Variants in PAQR6 observed in about 807,000 individuals in gnomAD.
The protein encoded by PAQR6 is progestin and adipoQ receptor family member 6, also known as membrane progestin receptor delta.
In PAQR6, 34 loss-of-function variants were observed where a neutral mutation model predicts 36.2. The observed-to-expected ratio is 0.94, with a 90% CI of 0.71 to 1.25. The LOEUF (loss-of-function observed/expected upper bound fraction) is 1.25, where lower values mean the gene tolerates loss of function less well. Ranked by LOEUF, PAQR6 falls within the 50% of genes most tolerant of loss-of-function variation. PAQR6 has a pLI of 0.00. For synonymous variants in PAQR6, 190 were observed against 190.7 expected, an observed-to-expected ratio of 1.00 and a Z score of 0.03; for missense variants, 431 against 445.7, an observed-to-expected ratio of 0.97 and a Z score of 0.30.
Position 156,243,473 on chromosome 1 carries a change from G to A in PAQR6, c.*656C>T, listed in dbSNP as rs1367881225. Reference sequence around the variant, plus strand: ...TGCCTTGTTCCAGAAAACGTTGAAGGTGGCTTCCCAAAGTCTAACTAGGGA... The same window carrying A: ...TGCCTTGTTCCAGAAAACGTTGAAGATGGCTTCCCAAAGTCTAACTAGGGA... On this transcript the variant is annotated 3_prime_UTR_variant, in exon 8 of 8. Transcript: ENST00000292291. 2 of 471,060 alleles carry A rather than the reference G, an allele frequency of 4.2e-6. No homozygotes were observed. Among genetic ancestry groups the A allele is most frequent in the Non-Finnish European group, 7.5e-6 (2 of 266,714 alleles). 29.2% of individuals were successfully genotyped at this position (471,060 alleles called of 1,614,324 possible).
rs1234499944 is a variant in PAQR6 at position 156,244,156 on chromosome 1, C to G, written c.1008G>C (p.Glu336Asp). 2.5e-6 allele frequency: 4 copies of G among 1,605,210 alleles called. No individual in the cohort carries two copies. The highest frequency in any genetic ancestry group is 3.4e-6 in the Non-Finnish European group (4 of 1,173,046). The change falls in exon 8 of 8, where the codon GAG becomes GAC. Residue 336 changes from glutamate to aspartate, a missense_variant. Transcript: ENST00000292291. ...ACTGTTGTTTGGCCTGGGTACCCCC[C>G]TCCAGTGGGCCACCCTGCAGCAGAG... ...TCPLLQGGPLEGGTQAKQQ is the reference protein window; with the variant it reads ...TCPLLQGGPLDGGTQAKQQ
At chr1:156,246,608 A>G in intron 2 of PAQR6, 73 bp downstream of exon 2, 1 of 1,528,268 alleles carries the variant, frequency 6.5e-7, no homozygotes, top group Non-Finnish European at 8.9e-7. Flanking sequence ...AATAGCTAAA[A>G]GAGAAGAACG....
chr1:156,245,728 C>G lies in PAQR6; in HGVS notation c.385+54G>C, dbSNP rs1233732471. 1.7e-5 allele frequency: 26 copies of G among 1,573,240 alleles called. No homozygotes were observed. The East Asian group carries it at 5.8e-4, about 35-fold the overall frequency. On this transcript the variant is annotated intron_variant, in intron 4 of 7. Coordinates refer to ENST00000292291, the MANE Select transcript of PAQR6 (RefSeq NM_198406.3). ...CGCCCCTATGTCCCGCGTCCCACCC[C>G]TCGCCCCGCTCCGGGACGCCCAGAC... is the stretch of plus-strand genomic sequence containing the variant.
At chr1:156,247,046 T>G (rs1226080990) in intron 1 of PAQR6, among the ~76,000 whole-genome samples, 1 of 151,970 alleles carries the variant, frequency 6.6e-6, no homozygotes, top group Admixed American at 6.6e-5. Context: ...CTGCCTCAAA[T>G]AGTGATCCAG....
At position 156,245,943 on chromosome 1, in the gene PAQR6, A is replaced by G; in HGVS notation, c.224T>C (p.Phe75Ser). Residue 75 changes from phenylalanine (F) to serine (S), a missense_variant, in exon 4 of 8, where the codon TTC (phenylalanine) becomes TCC (serine). Coordinates refer to ENST00000292291, the MANE Select transcript of PAQR6 (RefSeq NM_198406.3). Reference protein sequence around the residue: ...RLLALAGGPGFRAEPYHWPLL... With the variant: ...RLLALAGGPGSRAEPYHWPLL... Reference sequence around the variant, plus strand: ...CGGCCAGTGGTACGGCTCCGCACGGAAGCCGGGGCCGCCCGCCAGCGCCAG... The same window carrying G: ...CGGCCAGTGGTACGGCTCCGCACGGGAGCCGGGGCCGCCCGCCAGCGCCAG... The G allele has an allele frequency of 6.5e-7, 1 of 1,537,910 alleles. No individual in the cohort carries two copies. Among genetic ancestry groups the G allele is most frequent in the East Asian group, 2.5e-5 (1 of 40,788 alleles).
Position 156,245,651 on chromosome 1 carries a change from G to C in PAQR6, c.396C>G (p.Phe132Leu). The change falls in exon 5 of 8, where the codon TTC (phenylalanine) becomes TTG (leucine). Residue 132 changes from phenylalanine (F) to leucine (L), a missense_variant. By Grantham distance (22) the Phe-to-Leu change is conservative (BLOSUM62 0). Transcript: ENST00000292291. ...ALSLYSLGCA[F>L]PYAAYSMPAS... ...CCGGCATGGAGTAGGCGGCATAGGG[G>C]AAGGCGCAGCCTGCGGTGAGGTGGG... 1 of 1,612,968 alleles carries C rather than the reference G, an allele frequency of 6.2e-7. No homozygotes were observed. Among genetic ancestry groups the C allele is most frequent in the South Asian group, 1.1e-5 (1 of 91,054 alleles).
In PAQR6 at chr1:156,243,740, G is replaced by T; in HGVS notation, c.*389C>A. 8.0e-7 allele frequency: 1 copy of T among 1,242,892 alleles called. No homozygotes were observed. Among genetic ancestry groups the T allele is most frequent in the Non-Finnish European group, 1.1e-6 (1 of 901,492 alleles). The allele number at this position is 1,242,892 out of a possible 1,614,324, so 77.0% of individuals were successfully genotyped here. On this transcript the variant is annotated 3_prime_UTR_variant, in exon 8 of 8. Transcript: ENST00000292291. The stretch of plus-strand genomic sequence containing the variant: ...CAAGAAGCATTCAGGGTAGGCCTAG[G>T]TTAGTCGTGTTAGTTCTTCCCTGTG...
chr1:156,246,738 C>G lies in PAQR6; in HGVS notation c.-7G>C. 1 of 1,613,608 alleles carries G rather than the reference C, an allele frequency of 6.2e-7. No individual in the cohort carries two copies. The highest frequency in any genetic ancestry group is 1.3e-5 in the African/African-American group (1 of 75,018). On this transcript the variant is annotated 5_prime_UTR_variant, in exon 2 of 8. Coordinates refer to ENST00000292291, the MANE Select transcript of PAQR6 (RefSeq NM_198406.3). ...GCAGCTTGAGACTGAGCATGGTGGC[C>G]TGGTACCTCCACGTTGACCTAGAGA...
At chr1:156,247,157 C>T (rs896087764) in intron 1 of PAQR6, among the ~76,000 whole-genome samples, 11 of 152,230 alleles carry the variant, frequency 7.2e-5, no homozygotes, top group Admixed American at 2.0e-4. Context: ...GAATGTGCTT[C>T]GCCCACAGCG....
chr1:156,244,667 C>T lies in PAQR6; in HGVS notation c.760+94G>A. 1.9e-6 allele frequency: 3 copies of T among 1,595,442 alleles called. 1 individual carries two copies. Among genetic ancestry groups the T allele is most frequent in the South Asian group, 2.2e-5 (2 of 90,094 alleles). On this transcript the variant is annotated intron_variant, in intron 7 of 7. Coordinates refer to ENST00000292291, the MANE Select transcript of PAQR6 (RefSeq NM_198406.3). ...GTCCCTCCTATAATTTGCCTCCATC[C>T]TGGGGCTGTAATACCCATTTACCCA...
Position 156,243,968 on chromosome 1 carries a change from A to G in PAQR6, c.*161T>C. Reference sequence around the variant, plus strand: ...TCACACTCTGCCAGTCCCCCTAGACACCCCTCCTCTTCTCTGCCCTCTCTC... The same window carrying G: ...TCACACTCTGCCAGTCCCCCTAGACGCCCCTCCTCTTCTCTGCCCTCTCTC... On this transcript the variant is annotated 3_prime_UTR_variant, in exon 8 of 8. Transcript: ENST00000292291. The G allele has an allele frequency of 6.2e-7, 1 of 1,613,500 alleles. No homozygotes were observed. Among genetic ancestry groups the G allele is most frequent in the Non-Finnish European group, 8.5e-7 (1 of 1,179,838 alleles).
At position 156,244,804 on chromosome 1, in the gene PAQR6, G is replaced by C. The variant is rs189957556; in HGVS notation, c.717C>G (p.Ser239=). 174 of 1,613,680 alleles carry C rather than the reference G, an allele frequency of 1.1e-4. No individual in the cohort carries two copies. In the Admixed American group the frequency reaches 1.4e-3, roughly 13 times the overall value. Reference sequence around the variant, plus strand: ...CTGGTGCCAGCCTTTCAGGCAGGTGGGAGGCGAAGAGGAAGCCAGTGAGCA... The same window carrying C: ...CTGGTGCCAGCCTTTCAGGCAGGTGCGAGGCGAAGAGGAAGCCAGTGAGCA... ...CALLTGFLFA[S]HLPERLAPGR... Residue 239 remains serine, a synonymous_variant, in exon 7 of 8, where the codon TCC becomes TCG. Transcript: ENST00000292291.
At position 156,243,847 on chromosome 1, in the gene PAQR6, A is replaced by G. The variant is rs770981340; in HGVS notation, c.*282T>C. On this transcript the variant is annotated 3_prime_UTR_variant, in exon 8 of 8. Coordinates refer to ENST00000292291, the MANE Select transcript of PAQR6 (RefSeq NM_198406.3). ...CCTCCCCCCGCCAACCTTTGACAGA[A>G]TATAGGGGCATCTTCAGCCTGGACA... is the stretch of plus-strand genomic sequence containing the variant. The G allele has an allele frequency of 1.9e-6, 3 of 1,578,586 alleles. No individual in the cohort carries two copies. Among genetic ancestry groups the G allele is most frequent in the South Asian group, 1.2e-5 (1 of 85,980 alleles).
chr1:156,246,174 AAGGAGCTG>A lies in PAQR6; in HGVS notation c.120_127del (p.Ser41ProfsTer139). The A allele has an allele frequency of 6.2e-7, 1 of 1,613,568 alleles. No homozygotes were observed. ...GTTGACCGTCTCGTTGGTCATCTGG[AAGGAGCTG>A]AGGACACAGTCCAAAGCCGAGCTGG... On this transcript the variant is annotated frameshift_variant, in exon 3 of 8. Coordinates refer to ENST00000292291, the MANE Select transcript of PAQR6 (RefSeq NM_198406.3). LOFTEE classifies it high-confidence loss of function.
In PAQR6 at chr1:156,243,820, C is replaced by G. The variant is rs754303155; in HGVS notation, c.*309G>C. 2 of 1,537,060 alleles carry G rather than the reference C, an allele frequency of 1.3e-6. No homozygotes were observed. The highest frequency in any genetic ancestry group is 2.5e-5 in the South Asian group (2 of 79,968). Reference sequence around the variant, plus strand: ...ACGGAGCCAGATGAAAGGACCCCAACACCTCCCCCCGCCAACCTTTGACAG... The same window carrying G: ...ACGGAGCCAGATGAAAGGACCCCAAGACCTCCCCCCGCCAACCTTTGACAG... On this transcript the variant is annotated 3_prime_UTR_variant, in exon 8 of 8. Coordinates refer to ENST00000292291, the MANE Select transcript of PAQR6 (RefSeq NM_198406.3).
intron 2 of PAQR6, among the ~76,000 whole-genome samples, chr1:156,246,455 G>T (rs1296033442): frequency 6.6e-6 from 1 of 151,772 alleles, no homozygotes; most frequent in Non-Finnish European, 1.5e-5. Flanking sequence ...ATTGGGGTGG[G>T]ATGGGGGTGG....
In PAQR6 at chr1:156,245,178, A is replaced by C. The variant is rs1350846797; in HGVS notation, c.573T>G (p.Tyr191Ter). 2 of 1,614,096 alleles carry C rather than the reference A, an allele frequency of 1.2e-6. No homozygotes were observed. The highest frequency in any genetic ancestry group is 2.2e-5 in the South Asian group (2 of 91,088). ...SKVLRTGAFA[Y>*]PFLFDNLPLF... Reference sequence around the variant, plus strand: ...GTGGGAGGTTGTCGAACAGGAATGGATAGGCGAAGGCTCCTGTGCGGAGGA... The same window carrying C: ...GTGGGAGGTTGTCGAACAGGAATGGCTAGGCGAAGGCTCCTGTGCGGAGGA... Residue 191 changes from tyrosine to a stop codon, truncating the protein, a stop_gained, in exon 6 of 8, where the codon TAT becomes TAG. Transcript: ENST00000292291. LOFTEE classifies it high-confidence loss of function.
In PAQR6 at chr1:156,243,483, A is replaced by T; in HGVS notation, c.*646T>A. The T allele has an allele frequency of 2.1e-6, 1 of 475,872 alleles. No homozygotes were observed. The highest frequency in any genetic ancestry group is 3.7e-6 in the Non-Finnish European group (1 of 267,876). 29.5% of individuals were successfully genotyped at this position (475,872 alleles called of 1,614,324 possible). A position where few individuals can be genotyped will look rare whatever the true frequency, so the allele number is the denominator to read the frequency against. On this transcript the variant is annotated 3_prime_UTR_variant, in exon 8 of 8. Coordinates refer to ENST00000292291, the MANE Select transcript of PAQR6 (RefSeq NM_198406.3). ...CAGAAAACGTTGAAGGTGGCTTCCC[A>T]AAGTCTAACTAGGGATACCCCCTCT... is the stretch of plus-strand genomic sequence containing the variant.
Position 156,245,925 on chromosome 1 carries a change from T to G in PAQR6, c.242A>C (p.His81Pro), listed in dbSNP as rs1240271439. ...CAGCAGGAAGACCAGCAGCGGCCAGTGGTACGGCTCCGCACGGAAGCCGGG... is the reference window on the plus strand; with the variant it reads ...CAGCAGGAAGACCAGCAGCGGCCAGGGGTACGGCTCCGCACGGAAGCCGGG... The part of the protein sequence containing the change: ...GGPGFRAEPY[H>P]WPLLVFLLPA... The change falls in exon 4 of 8, where the codon CAC (histidine) becomes CCC (proline). Residue 81 changes from histidine (H) to proline (P), a missense_variant. By Grantham distance (77) the His-to-Pro change is moderately conservative. Transcript: ENST00000292291. The G allele has an allele frequency of 1.9e-6, 3 of 1,554,952 alleles. No homozygotes were observed. The African/African-American group carries it at 4.1e-5, about 21-fold the overall frequency.
Sources: gnomAD v4.1 joint callset for allele counts (sites outside exome capture counted in the v4.1 genomes callset) on GRCh38, gnomAD v4.1.1 for gene constraint, MANE v1.5 for transcripts, NCBI Gene and HGNC (gene_info 2026-07-23, HGNC 2026-07-21) for gene names.